The following CASP9 variants were observed in gnomAD, a reference collection of about 807,000 sequenced individuals.
CASP9 encodes caspase-9.
A neutral mutation model predicts 43.5 loss-of-function variants in CASP9; 29 were observed. The ratio of observed to expected loss-of-function variants is 0.67; its 90% CI spans 0.50 to 0.91. The LOEUF (loss-of-function observed/expected upper bound fraction) is 0.91. Among genes scored for constraint, CASP9 ranks in the 40% least tolerant of loss-of-function variants. The probability of loss-of-function intolerance (pLI) is 0.00; values close to 1 mark genes in which losing one functional copy is unlikely to be tolerated. For missense variants in CASP9, 575 were observed against 537.4 expected (o/e 1.07, Z -0.69); for synonymous variants, 206 against 211.9 (o/e 0.97, Z 0.24).
At chr1:15,520,639 C>T (rs1231619178) in intron 1 of CASP9, among the ~76,000 whole-genome samples, 1 of 152,176 alleles carries the variant, frequency 6.6e-6, no homozygotes, top group African/African-American at 2.4e-5. Context: ...GGGGAGACAC[C>T]CATTACTTAG....
At chr1:15,518,715 C>T (rs1228506670) in intron 1 of CASP9, among the ~76,000 whole-genome samples, 1 of 152,182 alleles carries the variant, frequency 6.6e-6, no homozygotes, top group Non-Finnish European at 1.5e-5. Flanking sequence ...CAGAGGGAAG[C>T]ACATGGGGCT....
intron 5 of CASP9, among the ~76,000 whole-genome samples, chr1:15,505,140 C>A (rs1480108936): frequency 6.6e-6 from 1 of 152,106 alleles, no homozygotes; most frequent in Non-Finnish European, 1.5e-5. Context: ...CCAGGCCCCT[C>A]TGACTGAGGC....
In CASP9 at chr1:15,518,524, G is replaced by A. The variant is rs562172870; in HGVS notation, c.133-129C>T. The A allele has an allele frequency of 1.5e-4, 125 of 807,224 alleles. No homozygotes were observed. The East Asian group carries it at 3.0e-3, about 19-fold the overall frequency. The allele number at this position is 807,224 out of a possible 1,614,324, so 50.0% of individuals were successfully genotyped here. On this transcript the variant is annotated intron_variant, in intron 1 of 8. Transcript: ENST00000333868. ...CGTGGGCAGCAATGGAGCTGCAGGT[G>A]CACTGTGTGCCATTTACCAGCCTTT...
At chr1:15,502,832 AG>A (rs1245900404) in intron 6 of CASP9, among the ~76,000 whole-genome samples, 6 of 152,186 alleles carry the variant, frequency 3.9e-5, no homozygotes, top group Non-Finnish European at 7.3e-5. Flanking sequence ...GAGGGACCGG[AG>A]GCTCCGAAGG....
intron 6 of CASP9, among the ~76,000 whole-genome samples, chr1:15,503,092 T>C (rs147854902): frequency 6.6e-6 from 1 of 151,806 alleles, no homozygotes. Context: ...GTGCATTAAA[T>C]ATTATTAAAG....
intron 2 of CASP9, among the ~76,000 whole-genome samples, chr1:15,514,048 G>A (rs950116319): frequency 3.3e-5 from 5 of 152,236 alleles, no homozygotes; most frequent in Middle Eastern, 3.4e-3. Flanking sequence ...TGACACTCAT[G>A]CTCAATGAAT....
At chr1:15,494,888 A>G (rs1328325092) in intron 7 of CASP9, among the ~76,000 whole-genome samples, 2 of 148,898 alleles carry the variant, frequency 1.3e-5, no homozygotes, top group Non-Finnish European at 1.5e-5. Context: ...AAAAAAAAAG[A>G]AGGAAGGAAA....
chr1:15,508,830 T>C (rs1386707602), intron 2 of CASP9, among the ~76,000 whole-genome samples: 2 of 152,264 alleles, frequency 1.3e-5, no homozygotes, highest in Non-Finnish European at 2.9e-5. Flanking sequence ...AGAAAAGGGC[T>C]ACCAGGGGGC....
intron 2 of CASP9, among the ~76,000 whole-genome samples, chr1:15,513,291 A>G (rs1709834101): frequency 6.6e-6 from 1 of 152,108 alleles, no homozygotes; most frequent in South Asian, 2.1e-4. Flanking sequence ...GCATTGAACA[A>G]AAGATGCTGT....
chr1:15,516,543 G>C (rs1709957889), intron 2 of CASP9, among the ~76,000 whole-genome samples: 1 of 151,842 alleles, frequency 6.6e-6, no homozygotes, highest in South Asian at 2.1e-4. Context: ...ATCTCACTAA[G>C]TTACCCAGGC....
intron 2 of CASP9, among the ~76,000 whole-genome samples, chr1:15,512,650 A>C (rs1350273750): frequency 1.3e-5 from 2 of 152,184 alleles, no homozygotes; most frequent in Non-Finnish European, 2.9e-5. Flanking sequence ...CCTTGTAATA[A>C]ATATGTTTTT....
At position 15,522,910 on chromosome 1, in the gene CASP9, G is replaced by A. The variant is rs7544759; in HGVS notation, c.132+1159C>T. ...AAACCATTACTGTTCCCCAGTAGGG[G>A]CCACACAGAAGGCACAAAACTTATT... On this transcript the variant is annotated intron_variant, in intron 1 of 8. Transcript: ENST00000333868. Among the ~76,000 whole-genome samples, 253 of 152,330 alleles carry A rather than the reference G, an allele frequency of 1.7e-3. 1 individual carries two copies. The highest frequency in any genetic ancestry group is 5.7e-3 in the African/African-American group (239 of 41,570).
At chr1:15,493,190 C>T (rs1708957840) in intron 8 of CASP9, 155 bp from the exon 9 acceptor site, 2 of 1,435,816 alleles carry the variant, frequency 1.4e-6, no homozygotes, top group Non-Finnish European at 1.8e-6. Context: ...GAATACGCAC[C>T]TCAACTTTAC....
chr1:15,497,487 A>G (rs929928457), intron 6 of CASP9, among the ~76,000 whole-genome samples: 5 of 151,910 alleles, frequency 3.3e-5, no homozygotes, highest in Non-Finnish European at 7.4e-5. Context: ...TACTAAAAAT[A>G]TAAAAATTAG....
chr1:15,506,951 C>T lies in CASP9; in HGVS notation c.578G>A (p.Arg193His), dbSNP rs748271106. 8.1e-6 allele frequency: 13 copies of T among 1,614,110 alleles called. No individual in the cohort carries two copies. Among genetic ancestry groups the T allele is most frequent in the South Asian group, 2.2e-5 (2 of 91,084 alleles). Residue 193 changes from arginine (R) to histidine (H), a missense_variant, in exon 4 of 9, where the codon CGC becomes CAC. Physicochemically the swap from Arg to His is conservative, Grantham distance 29 (BLOSUM62 0). Coordinates refer to ENST00000333868, the MANE Select transcript of CASP9 (RefSeq NM_001229.5). ...CACCATGAAATGCAGCGAGGAGAAG[C>T]GACGCCGCAACTTCTCACAGTCGAT... The part of the protein sequence containing the change: ...SNIDCEKLRR[R>H]FSSLHFMVEV...
chr1:15,506,890 T>C lies in CASP9; in HGVS notation c.630+9A>G. On this transcript the variant is annotated intron_variant, in intron 4 of 8. Transcript: ENST00000333868. ...CCACCCTGTCTCCCTCCACAGATAG[T>C]GAGTGTACCTTGGCAGTCAGGTCGC... is the stretch of plus-strand genomic sequence containing the variant. The C allele has an allele frequency of 6.2e-7, 1 of 1,602,342 alleles. No individual in the cohort carries two copies. The highest frequency in any genetic ancestry group is 8.5e-7 in the Non-Finnish European group (1 of 1,170,026).
At chr1:15,524,327 C>G, upstream of CASP9, 2 of 1,429,496 alleles carry the variant, frequency 1.4e-6, no homozygotes, top group Non-Finnish European at 1.8e-6. Flanking sequence ...GGTCAGTCTT[C>G]GCTCCCCACC....
chr1:15,496,987 C>G (rs1233456088), intron 6 of CASP9, among the ~76,000 whole-genome samples: 1 of 152,030 alleles, frequency 6.6e-6, no homozygotes, highest in Non-Finnish European at 1.5e-5. Flanking sequence ...TGCACTTCAG[C>G]CTGGGTGACA....
chr1:15,497,382 C>T (rs1020126367), intron 6 of CASP9, among the ~76,000 whole-genome samples: 12 of 151,128 alleles, frequency 7.9e-5, no homozygotes, highest in African/African-American at 1.7e-4. Context: ...CAGTGGCTCA[C>T]GCCTGTAATC....
Sources: allele counts gnomAD v4.1 joint callset (sites outside exome capture counted in the v4.1 genomes callset), GRCh38; gene constraint gnomAD v4.1.1; transcripts MANE v1.5; gene names NCBI Gene and HGNC (gene_info 2026-07-23, HGNC 2026-07-21).